The following LAMA2 variants were observed in gnomAD, a reference collection of about 807,000 sequenced individuals.
The protein encoded by LAMA2 is laminin subunit alpha 2.
LAMA2 carries 269 observed loss-of-function variants against 364.8 expected under a neutral mutation model. The ratio of observed to expected loss-of-function variants is 0.74; its 90% CI spans 0.67 to 0.82. LAMA2 has a LOEUF of 0.82. Ranked by LOEUF, LAMA2 falls within the 40% of genes least tolerant of loss-of-function variation. The pLI, the probability that LAMA2 is intolerant of heterozygous loss-of-function variation, is 0.00. For synonymous variants in LAMA2, 1,379 were observed against 1,370.6 expected (o/e 1.01, Z -0.14); for missense variants, 3,807 against 3,873.2 (o/e 0.98, Z 0.45).
chr6:129,127,591 C>T (rs1400703934), intron 4 of LAMA2, among the ~76,000 whole-genome samples: 3 of 152,214 alleles, frequency 2.0e-5, no homozygotes, highest in African/African-American at 7.2e-5. Context: ...TTTTGGAAAA[C>T]TCCATGTAGT....
chr6:128,888,432 G>A (rs1277191388), intron 1 of LAMA2, among the ~76,000 whole-genome samples: 1 of 152,182 alleles, frequency 6.6e-6, no homozygotes, highest in Non-Finnish European at 1.5e-5. Flanking sequence ...AGCAACAAAA[G>A]AACACCTATA....
At chr6:129,264,558 A>G (rs757919300) in intron 15 of LAMA2, among the ~76,000 whole-genome samples, 19 of 152,270 alleles carry the variant, frequency 1.2e-4, no homozygotes, top group South Asian at 6.2e-4. Flanking sequence ...ACTGAATAAA[A>G]TTACCCAGGA....
intron 62 of LAMA2, 56 bp downstream of exon 62, chr6:129,507,698 T>TAGTA: frequency 2.6e-6 from 4 of 1,516,364 alleles, no homozygotes; most frequent in Non-Finnish European, 2.7e-6. Flanking sequence ...AATACTAACT[T>TAGTA]CTTGCTAGTA....
At chr6:129,341,682 T>A (rs1776276373) in intron 29 of LAMA2, among the ~76,000 whole-genome samples, 1 of 152,374 alleles carries the variant, frequency 6.6e-6, no homozygotes, top group South Asian at 2.1e-4. Flanking sequence ...TAAATATAAT[T>A]CTGCTTCATG....
chr6:128,943,970 C>T (rs1164564992), intron 1 of LAMA2, among the ~76,000 whole-genome samples: 2 of 152,112 alleles, frequency 1.3e-5, no homozygotes, highest in Non-Finnish European at 1.5e-5. Flanking sequence ...AGTGATACGT[C>T]TGTTATGATG....
chr6:129,197,564 C>T (rs535140295), intron 12 of LAMA2, among the ~76,000 whole-genome samples: 4 of 152,324 alleles, frequency 2.6e-5, no homozygotes, highest in South Asian at 2.1e-4. Flanking sequence ...CTGCAACTTT[C>T]GTCTCCCTAA....
intron 64 of LAMA2, among the ~76,000 whole-genome samples, chr6:129,514,925 T>C (rs1261832816): frequency 7.6e-6 from 1 of 131,928 alleles, no homozygotes; most frequent in Non-Finnish European, 1.7e-5. Flanking sequence ...TTTCTGATTT[T>C]TTTAAAATTA....
At chr6:129,293,918 C>A (rs1789896357) in intron 20 of LAMA2, among the ~76,000 whole-genome samples, 1 of 152,200 alleles carries the variant, frequency 6.6e-6, no homozygotes, top group Admixed American at 6.5e-5. Flanking sequence ...GGCCTCATTA[C>A]TTCCTAGCTA....
chr6:129,457,083 C>A (rs1783005812), intron 48 of LAMA2, among the ~76,000 whole-genome samples: 1 of 152,176 alleles, frequency 6.6e-6, no homozygotes, highest in Non-Finnish European at 1.5e-5. Context: ...GTTGGGAAAC[C>A]ACTATGGGTG....
At position 129,502,651 on chromosome 6, in the gene LAMA2, T is replaced by C. The variant is rs2114888546; in HGVS notation, c.8245-8T>C. The C allele has an allele frequency of 6.3e-7, 1 of 1,596,076 alleles. No individual in the cohort carries two copies. Among genetic ancestry groups the C allele is most frequent in the African/African-American group, 1.3e-5 (1 of 74,648 alleles). ...ATCTCCTGTTTTTCTCTCCTGGGTA[T>C]TTTACAGGGTCCTTGTGCTGCAGAA... On this transcript the variant is annotated splice_region_variant and splice_polypyrimidine_tract_variant and intron_variant, in intron 58 of 64. Transcript: ENST00000421865.
At chr6:128,974,714 T>G (rs1425431041) in intron 1 of LAMA2, among the ~76,000 whole-genome samples, 2 of 152,168 alleles carry the variant, frequency 1.3e-5, no homozygotes, top group Non-Finnish European at 2.9e-5. Flanking sequence ...CACTGATTCA[T>G]TTATCCATTC....
chr6:129,293,030 C>A, intron 20 of LAMA2: 1 of 985,882 alleles, frequency 1.0e-6, no homozygotes, highest in South Asian at 4.7e-5. Context: ...GCAGCTCCAG[C>A]GGGTGCCCTC....
intron 1 of LAMA2, among the ~76,000 whole-genome samples, chr6:128,945,076 G>A (rs1354674362): frequency 6.6e-6 from 1 of 152,152 alleles, no homozygotes; most frequent in Non-Finnish European, 1.5e-5. Context: ...AATGGCTGGG[G>A]TGATGGCAAA....
Position 129,403,842 on chromosome 6 carries a change from C to T in LAMA2, c.5748C>T (p.Asn1916=), listed in dbSNP as rs1562532975. 1.2e-6 allele frequency: 2 copies of T among 1,613,634 alleles called. No individual in the cohort carries two copies. The highest frequency in any genetic ancestry group is 1.7e-6 in the Non-Finnish European group (2 of 1,179,700). ...VLDGILDEAK[N]ISFNATAAFK... ...CCAGAATCCTTGATGAGGCTAAAAA[C>T]ATCTCCTTCAATGCCACTGCAGCCT... Residue 1916 remains asparagine (N), a synonymous_variant, in exon 40 of 65, where the codon AAC becomes AAT. Coordinates refer to ENST00000421865, the MANE Select transcript of LAMA2 (RefSeq NM_000426.4).
chr6:129,512,051 AC>A, intron 62 of LAMA2, among the ~76,000 whole-genome samples: 1 of 152,278 alleles, frequency 6.6e-6, no homozygotes, highest in African/African-American at 2.4e-5. Context: ...TACATAGTAA[AC>A]CCTCATGTTG....
At chr6:129,469,486 C>T (rs1250386648) in intron 51 of LAMA2, among the ~76,000 whole-genome samples, 1 of 151,878 alleles carries the variant, frequency 6.6e-6, no homozygotes, top group Non-Finnish European at 1.5e-5. Context: ...GGAACTCATA[C>T]ACTGCTGCTG....
At chr6:129,351,122 A>G (rs559149457) in intron 31 of LAMA2, among the ~76,000 whole-genome samples, 22 of 152,288 alleles carry the variant, frequency 1.4e-4, no homozygotes, top group African/African-American at 4.8e-4. Context: ...CTGTACCTTT[A>G]AACACCAGTA....
intron 20 of LAMA2, 104 bp from the exon 21 acceptor site, chr6:129,297,581 C>A: frequency 1.9e-6 from 2 of 1,047,146 alleles, no homozygotes; most frequent in Non-Finnish European, 2.9e-6. Flanking sequence ...ATCCTGATAA[C>A]TCCTAAGTTC....
intron 1 of LAMA2, among the ~76,000 whole-genome samples, chr6:128,968,848 C>T (rs1165860186): frequency 6.6e-6 from 1 of 152,014 alleles, no homozygotes; most frequent in Non-Finnish European, 1.5e-5. Flanking sequence ...TCACGTGGGA[C>T]CTTGTGCTTC....
Sources: gnomAD v4.1 joint callset for allele counts (sites outside exome capture counted in the v4.1 genomes callset) on GRCh38, gnomAD v4.1.1 for gene constraint, MANE v1.5 for transcripts, NCBI Gene and HGNC (gene_info 2026-07-23, HGNC 2026-07-21) for gene names.